CAPSL: variants seen among roughly 807,000 people sequenced by gnomAD.
CAPSL encodes calcyphosine like.
In CAPSL, 17 loss-of-function variants were observed where a neutral mutation model predicts 21.3. That is an observed-to-expected ratio of 0.80 (90% CI 0.55 to 1.20). The LOEUF (loss-of-function observed/expected upper bound fraction) is 1.20, where lower values mean the gene tolerates loss of function less well. CAPSL is among the 50% of genes most tolerant of loss of function. The pLI is 0.00. For synonymous variants in CAPSL, 102 were observed against 89.3 expected, an observed-to-expected ratio of 1.14 and a Z score of -0.80; for missense variants, 289 against 259.3, an observed-to-expected ratio of 1.11 and a Z score of -0.79.
intron 2 of CAPSL, among the ~76,000 whole-genome samples, chr5:35,911,665 T>C (rs1392731689): frequency 6.6e-6 from 1 of 152,198 alleles, no homozygotes; most frequent in Non-Finnish European, 1.5e-5. Context: ...ACTACGGAAG[T>C]ATGAATAAAT....
rs1244924002 is a variant in CAPSL at position 35,904,641 on chromosome 5, G to T, written c.531C>A (p.Thr177=). ...CATAGTAGTTCATGAACTCCTCAGG[G>T]GTCACCTGCAGTGGAAAAGTTAGAA... ...DSPYDKDGLV[T]PEEFMNYYAG... is the part of the protein sequence containing the mutation. The change falls in exon 5 of 5, where the codon ACC becomes ACA. Residue 177 remains threonine, a synonymous_variant. Transcript: ENST00000651391. 2.5e-6 allele frequency: 4 copies of T among 1,612,794 alleles called. No individual in the cohort carries two copies. The highest frequency in any genetic ancestry group is 2.2e-5 in the South Asian group (2 of 90,734).
chr5:35,937,996 A>G (rs1287117086), intron 1 of CAPSL, among the ~76,000 whole-genome samples: 3 of 152,232 alleles, frequency 2.0e-5, no homozygotes, highest in Non-Finnish European at 4.4e-5. Context: ...CAACTATTTG[A>G]TATAATTTTG....
At chr5:35,916,010 C>T (rs1224749963) in intron 2 of CAPSL, among the ~76,000 whole-genome samples, 1 of 152,176 alleles carries the variant, frequency 6.6e-6, no homozygotes, top group Non-Finnish European at 1.5e-5. Context: ...GCAACTTCAG[C>T]AAAGTCTCAG....
intron 2 of CAPSL, among the ~76,000 whole-genome samples, chr5:35,918,416 C>A (rs183264780): frequency 1.3e-5 from 2 of 152,054 alleles, no homozygotes; most frequent in Admixed American, 6.6e-5. Context: ...AATGAGATTA[C>A]GTGGACACAA....
chr5:35,935,488 A>T (rs1027625968), intron 1 of CAPSL, among the ~76,000 whole-genome samples: 3 of 151,708 alleles, frequency 2.0e-5, no homozygotes, highest in Non-Finnish European at 4.4e-5. Context: ...GCACACCACA[A>T]TACCCAACTA....
intron 2 of CAPSL, among the ~76,000 whole-genome samples, chr5:35,911,116 T>G (rs984894218): frequency 2.6e-5 from 4 of 152,186 alleles, no homozygotes; most frequent in African/African-American, 7.2e-5. Flanking sequence ...ACATCCATAC[T>G]GGTTAAATAA....
intron 2 of CAPSL, among the ~76,000 whole-genome samples, chr5:35,915,197 C>G (rs1054235801): frequency 3.9e-5 from 6 of 152,096 alleles, no homozygotes; most frequent in African/African-American, 7.2e-5. Flanking sequence ...ATAACAGACC[C>G]TGAAATTGAG....
intron 1 of CAPSL, among the ~76,000 whole-genome samples, chr5:35,928,120 G>A (rs1051224230): frequency 7.9e-5 from 12 of 152,194 alleles, no homozygotes; most frequent in African/African-American, 2.9e-4. Flanking sequence ...CTCCAGAGGG[G>A]ATAAATGCTG....
chr5:35,926,686 T>G (rs1269393820), intron 1 of CAPSL, among the ~76,000 whole-genome samples: 1 of 152,168 alleles, frequency 6.6e-6, no homozygotes, highest in Non-Finnish European at 1.5e-5. Context: ...CCTTTCTCTG[T>G]TCCTCTCCAT....
At chr5:35,927,130 T>TTGC (rs1738705349) in intron 1 of CAPSL, among the ~76,000 whole-genome samples, 1 of 152,156 alleles carries the variant, frequency 6.6e-6, no homozygotes, top group South Asian at 2.1e-4. Flanking sequence ...GGACCAGATT[T>TTGC]TGCCTGGACA....
At chr5:35,935,967 C>A (rs1307490188) in intron 1 of CAPSL, among the ~76,000 whole-genome samples, 1 of 152,196 alleles carries the variant, frequency 6.6e-6, no homozygotes, top group Non-Finnish European at 1.5e-5. Context: ...CACATGCCAG[C>A]ATGGACAGGT....
At chr5:35,926,593 G>C (rs766720824) in intron 1 of CAPSL, among the ~76,000 whole-genome samples, 1 of 152,200 alleles carries the variant, frequency 6.6e-6, no homozygotes, top group Non-Finnish European at 1.5e-5. Flanking sequence ...CCTTGGAAGA[G>C]GGAACTGCTC....
chr5:35,922,976 AC>A (rs1306935635), intron 1 of CAPSL, among the ~76,000 whole-genome samples: 22 of 151,516 alleles, frequency 1.5e-4, no homozygotes, highest in Admixed American at 1.4e-3. Flanking sequence ...CCCCATCCCC[AC>A]CCCAACCCCT....
At chr5:35,918,603 A>G (rs927849652) in intron 2 of CAPSL, among the ~76,000 whole-genome samples, 2 of 152,342 alleles carry the variant, frequency 1.3e-5, no homozygotes, top group South Asian at 4.1e-4. Flanking sequence ...CCAGCACTTA[A>G]AGAATAATTT....
chr5:35,918,146 A>G (rs552033971), intron 2 of CAPSL, among the ~76,000 whole-genome samples: 26 of 152,328 alleles, frequency 1.7e-4, no homozygotes, highest in Admixed American at 5.2e-4. Flanking sequence ...TACTGTAAAG[A>G]CACTTGCACA....
chr5:35,918,805 G>C (rs1327763335), intron 2 of CAPSL, among the ~76,000 whole-genome samples: 1 of 152,098 alleles, frequency 6.6e-6, no homozygotes, highest in Non-Finnish European at 1.5e-5. Flanking sequence ...TGGGTTGAAT[G>C]AATTGGAGGA....
intron 1 of CAPSL, among the ~76,000 whole-genome samples, chr5:35,936,540 G>A (rs1738952333): frequency 6.6e-6 from 1 of 152,110 alleles, no homozygotes; most frequent in Non-Finnish European, 1.5e-5. Context: ...ATAAGTCATT[G>A]CTAACCTGAT....
At chr5:35,937,085 T>C (rs943618444) in intron 1 of CAPSL, among the ~76,000 whole-genome samples, 1 of 152,144 alleles carries the variant, frequency 6.6e-6, no homozygotes, top group African/African-American at 2.4e-5. Context: ...GCATTTCCAT[T>C]CCCTCATCTC....
rs547237427 is a variant in CAPSL, at chr5:35,911,970, G to T, written c.138-1427C>A. On this transcript the variant is annotated intron_variant, in intron 2 of 4. Transcript: ENST00000651391. Reference sequence around the variant, plus strand: ...GAATTCCCTTTCCTAGTCAAAGAAAGGGGTGACAGACGGCACCTGGAAAAT... The same window carrying T: ...GAATTCCCTTTCCTAGTCAAAGAAATGGGTGACAGACGGCACCTGGAAAAT... 5.3e-5 allele frequency among the ~76,000 whole-genome samples: 8 copies of T among 152,316 alleles called. No individual in the cohort carries two copies. In the East Asian group the frequency reaches 1.5e-3, roughly 29 times the overall value.
Sources: allele counts gnomAD v4.1 joint callset (sites outside exome capture counted in the v4.1 genomes callset), GRCh38; gene constraint gnomAD v4.1.1; transcripts MANE v1.5; gene names NCBI Gene and HGNC (gene_info 2026-07-23, HGNC 2026-07-21).